Variants in TBC1D12 observed in about 807,000 individuals in gnomAD.
TBC1D12 encodes the protein TBC1 domain family member 12, also known as TBC1 domain family, member 12.
TBC1D12 carries 56 observed loss-of-function variants against 86.7 expected under a neutral mutation model. That is an observed-to-expected ratio of 0.65 (90% CI 0.52 to 0.81). The LOEUF (loss-of-function observed/expected upper bound fraction) is 0.81. TBC1D12 is among the 30% of genes least tolerant of loss of function. TBC1D12 has a pLI of 0.00. For synonymous variants in TBC1D12, 421 were observed against 411.7 expected, an observed-to-expected ratio of 1.02 and a Z score of -0.27; for missense variants, 1,023 against 1,038.8, an observed-to-expected ratio of 0.98 and a Z score of 0.21.
chr10:94,454,172 G>A (rs2055591771), intron 2 of TBC1D12, among the ~76,000 whole-genome samples: 1 of 152,186 alleles, frequency 6.6e-6, no homozygotes, highest in Admixed American at 6.5e-5. Flanking sequence ...GATTGGGATT[G>A]TGTTGAATCT....
At chr10:94,484,977 T>C (rs1394157539) in intron 3 of TBC1D12, among the ~76,000 whole-genome samples, 9 of 152,238 alleles carry the variant, frequency 5.9e-5, no homozygotes, top group African/African-American at 2.2e-4. Context: ...TGAATTTGTT[T>C]ATCATTTTTA....
At position 94,497,048 on chromosome 10, in the gene TBC1D12, A is replaced by G. The variant is rs2056329559; in HGVS notation, c.1295-7A>G. 6.5e-7 allele frequency: 1 copy of G among 1,530,728 alleles called. No individual in the cohort carries two copies. 94.8% of individuals were successfully genotyped at this position (1,530,728 alleles called of 1,614,324 possible). A position where few individuals can be genotyped will look rare whatever the true frequency, so the allele number is the denominator to read the frequency against. On this transcript the variant is annotated splice_polypyrimidine_tract_variant and splice_region_variant and intron_variant, in intron 4 of 12. Transcript: ENST00000225235. Reference sequence around the variant, plus strand: ...GTATTGAAATAATTTTTACTCGTTTAAAACAGAAATTAAGGAAGCACATAA... The same window carrying G: ...GTATTGAAATAATTTTTACTCGTTTGAAACAGAAATTAAGGAAGCACATAA...
chr10:94,507,390 C>G, intron 7 of TBC1D12, 43 bp downstream of exon 7: 13 of 1,510,098 alleles, frequency 8.6e-6, no homozygotes, highest in Non-Finnish European at 1.2e-5. Flanking sequence ...GATGAAAATT[C>G]AGATACTGAG....
chr10:94,494,168 C>T (rs377526976), intron 4 of TBC1D12, among the ~76,000 whole-genome samples: 4 of 152,070 alleles, frequency 2.6e-5, no homozygotes, highest in Admixed American at 2.6e-4. Flanking sequence ...TTCATTCATT[C>T]TCTTTTCCAA....
rs79163042 is a variant in TBC1D12 at position 94,509,750 on chromosome 10, A to G, written c.1601-341A>G. 466 of 226,590 alleles carry G rather than the reference A, an allele frequency of 2.1e-3. 3 individuals are homozygous for G. The highest frequency in any genetic ancestry group is 0.01 in the African/African-American group (436 of 42,246). The allele number at this position is 226,590 out of a possible 1,614,324, so 14.0% of individuals were successfully genotyped here. On this transcript the variant is annotated intron_variant, in intron 7 of 12. Transcript: ENST00000225235. The stretch of plus-strand genomic sequence containing the variant: ...CTTACTTTTCTGGAATTTAAATCCT[A>G]TTGATCTCTCTGTGTCCATAGCTCT...
intron 2 of TBC1D12, among the ~76,000 whole-genome samples, chr10:94,457,356 C>T (rs997123194): frequency 7.9e-5 from 12 of 152,132 alleles, no homozygotes; most frequent in Non-Finnish European, 1.5e-5. Context: ...GTAGGCAACA[C>T]ATGGCTGGGT....
chr10:94,482,043 G>A (rs1339197426), intron 3 of TBC1D12, among the ~76,000 whole-genome samples: 2 of 152,038 alleles, frequency 1.3e-5, no homozygotes, highest in African/African-American at 4.8e-5. Context: ...TACATCTGAA[G>A]GTTTATTACA....
intron 9 of TBC1D12, among the ~76,000 whole-genome samples, chr10:94,516,627 C>T (rs1011861266): frequency 1.5e-5 from 2 of 133,688 alleles, no homozygotes; most frequent in Admixed American, 1.8e-4. Flanking sequence ...TCCAAGTGTT[C>T]TCATTGTTCA....
intron 5 of TBC1D12, among the ~76,000 whole-genome samples, chr10:94,498,318 C>A (rs2056351083): frequency 6.6e-6 from 1 of 152,174 alleles, no homozygotes; most frequent in Admixed American, 6.5e-5. Context: ...GTCCCATCAT[C>A]ATACTTTGAG....
intron 7 of TBC1D12, chr10:94,509,648 C>T (rs2134204218): frequency 6.3e-6 from 1 of 158,780 alleles, no homozygotes; most frequent in East Asian, 1.9e-4. Context: ...GAGCTCGATC[C>T]TAAGCCCATA....
chr10:94,450,409 C>T (rs554822716), intron 2 of TBC1D12, among the ~76,000 whole-genome samples: 97 of 151,686 alleles, frequency 6.4e-4, no homozygotes, highest in Non-Finnish European at 1.2e-3. Flanking sequence ...ATGGGGAAAG[C>T]CATTCTAGAT....
chr10:94,430,673 T>G (rs1010102091), intron 1 of TBC1D12, among the ~76,000 whole-genome samples: 2 of 152,226 alleles, frequency 1.3e-5, no homozygotes, highest in African/African-American at 4.8e-5. Flanking sequence ...TGTTAACATG[T>G]ATTAATAAGC....
At chr10:94,496,960 T>C in intron 4 of TBC1D12, 95 bp from the exon 5 acceptor site, 1 of 621,116 alleles carries the variant, frequency 1.6e-6, no homozygotes, top group Non-Finnish European at 2.5e-6. Context: ...AATATTCTTT[T>C]TGAGAAAGTC....
chr10:94,522,211 G>A, intron 10 of TBC1D12, 128 bp downstream of exon 10: 2 of 1,271,678 alleles, frequency 1.6e-6, no homozygotes, highest in Non-Finnish European at 2.1e-6. Flanking sequence ...GTTTATTAAT[G>A]AATGTTTGCT....
chr10:94,522,280 G>A, intron 10 of TBC1D12, 64 bp from the exon 11 acceptor site: 4 of 1,084,784 alleles, frequency 3.7e-6, no homozygotes, highest in Admixed American at 3.0e-5. Context: ...TAGTGTTTAA[G>A]CGTTTAATTT....
intron 11 of TBC1D12, among the ~76,000 whole-genome samples, chr10:94,529,302 C>T (rs1304253847): frequency 7.2e-5 from 11 of 152,132 alleles, no homozygotes; most frequent in African/African-American, 1.9e-4. Flanking sequence ...CCACCAGACC[C>T]GACTGATTTA....
chr10:94,437,707 T>G (rs2055322934), intron 1 of TBC1D12, among the ~76,000 whole-genome samples: 1 of 152,102 alleles, frequency 6.6e-6, no homozygotes, highest in African/African-American at 2.4e-5. Context: ...CTCTGTTCCT[T>G]TTTCTTCATT....
chr10:94,469,552 T>C (rs1158308645), intron 2 of TBC1D12, among the ~76,000 whole-genome samples: 1 of 147,940 alleles, frequency 6.8e-6, no homozygotes, highest in Non-Finnish European at 1.5e-5. Context: ...TGGGTTCAAG[T>C]GATTCTCCTG....
intron 3 of TBC1D12, among the ~76,000 whole-genome samples, chr10:94,477,531 G>A (rs947628009): frequency 7.2e-5 from 11 of 152,154 alleles, no homozygotes; most frequent in Non-Finnish European, 1.6e-4. Flanking sequence ...TACTAAAGTG[G>A]AACTTTGTAC....
Sources: gnomAD v4.1 joint callset for allele counts (sites outside exome capture counted in the v4.1 genomes callset) on GRCh38, gnomAD v4.1.1 for gene constraint, MANE v1.5 for transcripts, NCBI Gene and HGNC (gene_info 2026-07-23, HGNC 2026-07-21) for gene names.